The following WTIP variants were observed in gnomAD, a reference collection of about 807,000 sequenced individuals.
WTIP encodes WT1 interacting protein, also known as Wilms tumor protein 1-interacting protein.
WTIP carries 23 observed loss-of-function variants against 41.7 expected under a neutral mutation model. That is an observed-to-expected ratio of 0.55 (90% CI 0.40 to 0.78). The LOEUF (loss-of-function observed/expected upper bound fraction) is 0.78. Among genes scored for constraint, WTIP ranks in the 30% least tolerant of loss-of-function variants. The pLI, the probability that WTIP is intolerant of heterozygous loss-of-function variation, is 0.00. For synonymous variants in WTIP, 314 were observed against 269.9 expected (o/e 1.16, Z -1.60); for missense variants, 619 against 610.5 (o/e 1.01, Z -0.15).
chr19:34,495,713 C>T lies in WTIP; in HGVS notation c.1094C>T (p.Thr365Ile). Residue 365 changes from threonine (T) to isoleucine (I), a missense_variant, in exon 7 of 8, where the codon ACA (threonine) becomes ATA (isoleucine). Around this residue, in one of 3 missense-constraint regions of WTIP, gnomAD observed 164 missense variants for 219.1 expected, o/e 0.75. Coordinates refer to ENST00000590071, the MANE Select transcript of WTIP (RefSeq NM_001080436.2). ...CTTCTCTTCCTCCAGGGCTGCGAGACAACCATCCGTGTGGTGTCCATGGAC... is the reference window on the plus strand; with the variant it reads ...CTTCTCTTCCTCCAGGGCTGCGAGATAACCATCCGTGTGGTGTCCATGGAC... The part of the protein sequence containing the change: ...RPILPAQGCE[T>I]TIRVVSMDRD... The T allele has an allele frequency of 1.2e-6, 2 of 1,613,994 alleles. No individual in the cohort carries two copies. Among genetic ancestry groups the T allele is most frequent in the Non-Finnish European group, 1.7e-6 (2 of 1,179,954 alleles).
chr19:34,505,645 A>G lies in WTIP; in HGVS notation c.*5376A>G, dbSNP rs1358970937. On this transcript the variant is annotated 3_prime_UTR_variant, in exon 8 of 8. Coordinates refer to ENST00000590071, the MANE Select transcript of WTIP (RefSeq NM_001080436.2). ...GCCCGGGTCACACACCTGCCCTGCC[A>G]TGGTGACAGGACTGTGTGGGATCTC... 6.6e-6 allele frequency: 1 copy of G among 152,432 alleles called. No homozygotes were observed. Among genetic ancestry groups the G allele is most frequent in the Non-Finnish European group, 1.5e-5 (1 of 68,254 alleles). 9.4% of individuals were successfully genotyped at this position (152,432 alleles called of 1,614,324 possible).
In WTIP at chr19:34,481,827, A is replaced by C. The variant is rs1033372643; in HGVS notation, c.-148A>C. 4.1e-6 allele frequency: 1 copy of C among 246,426 alleles called. No individual in the cohort carries two copies. The highest frequency in any genetic ancestry group is 2.4e-5 in the African/African-American group (1 of 41,816). 15.3% of individuals were successfully genotyped at this position (246,426 alleles called of 1,614,324 possible). On this transcript the variant is annotated 5_prime_UTR_variant, in exon 1 of 8. Transcript: ENST00000590071. ...CGGCCCGCGCGTGGCCGCCGGAACG[A>C]CCCCGGCCCGGCGCCGGCCCCGCCC...
chr19:34,495,525 C>G (rs986663119), intron 6 of WTIP, among the ~76,000 whole-genome samples, 178 bp from the exon 7 acceptor site: 6 of 152,208 alleles, frequency 3.9e-5, no homozygotes, highest in Non-Finnish European at 7.3e-5. Flanking sequence ...CCGCATGTGT[C>G]TGTGTGTGTG....
Position 34,509,426 on chromosome 19 carries a change from A to G in WTIP, c.*9157A>G, listed in dbSNP as rs1217444725. 1 of 152,172 alleles carries G rather than the reference A, an allele frequency of 6.6e-6. No individual in the cohort carries two copies. The highest frequency in any genetic ancestry group is 1.5e-5 in the Non-Finnish European group (1 of 68,036). The allele number at this position is 152,172 out of a possible 1,614,324, so 9.4% of individuals were successfully genotyped here. A position where few individuals can be genotyped will look rare whatever the true frequency, so the allele number is the denominator to read the frequency against. On this transcript the variant is annotated 3_prime_UTR_variant, in exon 8 of 8. Coordinates refer to ENST00000590071, the MANE Select transcript of WTIP (RefSeq NM_001080436.2). Reference sequence around the variant, plus strand: ...GATCTTGTGAGACTTATTCACTACCATGAGAACAGTGTGGGGGAAACTGCC... The same window carrying G: ...GATCTTGTGAGACTTATTCACTACCGTGAGAACAGTGTGGGGGAAACTGCC...
At chr19:34,482,987 TTTTTTTTTTTTCTTTCTTC>T (rs1410475810) in intron 1 of WTIP, among the ~76,000 whole-genome samples, 146 of 30,372 alleles carry the variant, frequency 4.8e-3, no homozygotes, top group African/African-American at 7.6e-3. Flanking sequence ...TTCTTTCTTC[TTTTTTTTTTTTCTTTCTTC>T]TTTTTTTTTT....
Position 34,493,913 on chromosome 19 carries a change from C to T in WTIP, c.1031+291C>T, listed in dbSNP as rs994800166. On this transcript the variant is annotated intron_variant, in intron 5 of 7. Transcript: ENST00000590071. This position sits in a 1 kb window ranked among gnomAD's most constrained non-coding sequence, Gnocchi z 4.1. ...TGCAGTACCCACCATCTTTCCCCCT[C>T]CTCCCCTCCATCCCCTGCCAGGCCA... Among the ~76,000 whole-genome samples, 17 of 152,142 alleles carry T rather than the reference C, an allele frequency of 1.1e-4. No individual in the cohort carries two copies. The highest frequency in any genetic ancestry group is 4.1e-4 in the African/African-American group (17 of 41,438).
chr19:34,499,613 G>C (rs1409331939), intron 7 of WTIP, among the ~76,000 whole-genome samples: 1 of 152,106 alleles, frequency 6.6e-6, no homozygotes, highest in Non-Finnish European at 1.5e-5. Context: ...CTTATATCCA[G>C]TGACTTCCTC....
At chr19:34,486,750 T>C (rs554886135) in intron 1 of WTIP, among the ~76,000 whole-genome samples, 2 of 152,184 alleles carry the variant, frequency 1.3e-5, no homozygotes, top group South Asian at 2.1e-4. Context: ...TCCCTTGGAA[T>C]CTTGAGGTCA....
intron 6 of WTIP, among the ~76,000 whole-genome samples, chr19:34,495,204 T>A (rs780908660): frequency 6.6e-6 from 1 of 152,186 alleles, no homozygotes; most frequent in Non-Finnish European, 1.5e-5. Context: ...GAGACCAGCC[T>A]GGGCCGCCTA....
rs565409708 is a variant in WTIP, at chr19:34,488,487, T to A, written c.668-1889T>A. Among the ~76,000 whole-genome samples, 5 of 152,136 alleles carry A rather than the reference T, an allele frequency of 3.3e-5. 1 individual carries two copies. In the South Asian group the frequency reaches 1.0e-3, roughly 32 times the overall value. On this transcript the variant is annotated intron_variant, in intron 1 of 7. Coordinates refer to ENST00000590071, the MANE Select transcript of WTIP (RefSeq NM_001080436.2). ...CTTAAGTGATCCTCCTGCCTCAGAC[T>A]CCTGAGTAACTGGGACCACAGGTGC...
In WTIP at chr19:34,482,268, C is replaced by T; in HGVS notation, c.294C>T (p.Gly98=). The part of the protein sequence containing the change: ...SPRASLAGSD[G]GGGGGSARSS... ...GGGCCAGCCTGGCGGGGTCCGACGG[C>T]GGCGGCGGTGGCGGCAGCGCCCGAT... The change falls in exon 1 of 8, where the codon GGC becomes GGT. Residue 98 remains glycine (G), a synonymous_variant. Transcript: ENST00000590071. The T allele has an allele frequency of 3.1e-6, 4 of 1,298,598 alleles. No individual in the cohort carries two copies. Among genetic ancestry groups the T allele is most frequent in the Non-Finnish European group, 3.9e-6 (4 of 1,016,138 alleles). 80.4% of individuals were successfully genotyped at this position (1,298,598 alleles called of 1,614,324 possible).
intron 1 of WTIP, among the ~76,000 whole-genome samples, chr19:34,483,008 T>G (rs2075777856): frequency 7.0e-6 from 1 of 142,228 alleles, no homozygotes; most frequent in Non-Finnish European, 1.5e-5. Flanking sequence ...TCTTTCTTCT[T>G]TTTTTTTTTT....
chr19:34,500,283 C>T lies in WTIP; in HGVS notation c.*14C>T, dbSNP rs769310597. The stretch of plus-strand genomic sequence containing the variant: ...ACTGAGCTCTGAGCAGGGGAAAACC[C>T]GTCCCTGGGCCGGGGTGGGTGTGGG... On this transcript the variant is annotated 3_prime_UTR_variant, in exon 8 of 8. Coordinates refer to ENST00000590071, the MANE Select transcript of WTIP (RefSeq NM_001080436.2). 8.1e-6 allele frequency: 13 copies of T among 1,596,926 alleles called. No homozygotes were observed. The Middle Eastern group carries it at 5.0e-4, about 61-fold the overall frequency.
rs1457280566 is a variant in WTIP at position 34,493,743 on chromosome 19, C to A, written c.1031+121C>A. ...TCTTGGCCTTTTGCCTTCCGCCTCC[C>A]CTTGTACACCTGGGCTTGGGGCAGG... On this transcript the variant is annotated intron_variant, in intron 5 of 7. Transcript: ENST00000590071. This position sits in a 1 kb window ranked among gnomAD's most constrained non-coding sequence, Gnocchi z 4.1. 1 of 1,368,448 alleles carries A rather than the reference C, an allele frequency of 7.3e-7. No individual in the cohort carries two copies. The highest frequency in any genetic ancestry group is 1.0e-6 in the Non-Finnish European group (1 of 989,374). The allele number at this position is 1,368,448 out of a possible 1,614,324, so 84.8% of individuals were successfully genotyped here.
chr19:34,493,741 C>T lies in WTIP; in HGVS notation c.1031+119C>T, dbSNP rs1023867058. 2 of 1,394,046 alleles carry T rather than the reference C, an allele frequency of 1.4e-6. No homozygotes were observed. The highest frequency in any genetic ancestry group is 1.3e-5 in the South Asian group (1 of 77,412). 86.4% of individuals were successfully genotyped at this position (1,394,046 alleles called of 1,614,324 possible). On this transcript the variant is annotated intron_variant, in intron 5 of 7. Coordinates refer to ENST00000590071, the MANE Select transcript of WTIP (RefSeq NM_001080436.2). The surrounding 1 kb of genome is among the most constrained non-coding windows in gnomAD (Gnocchi z 4.1). ...GTTCTTGGCCTTTTGCCTTCCGCCTCCCCTTGTACACCTGGGCTTGGGGCA... is the reference window on the plus strand; with the variant it reads ...GTTCTTGGCCTTTTGCCTTCCGCCTTCCCTTGTACACCTGGGCTTGGGGCA...
At chr19:34,492,969 G>T in intron 2 of WTIP, 68 bp from the exon 3 acceptor site, 1 of 1,550,588 alleles carries the variant, frequency 6.4e-7, no homozygotes, top group Non-Finnish European at 8.9e-7. Flanking sequence ...GGTGCTGAGA[G>T]CTGGAAGCAC....
chr19:34,496,912 C>G (rs538449576), intron 7 of WTIP, among the ~76,000 whole-genome samples: 49 of 152,102 alleles, frequency 3.2e-4, no homozygotes, highest in East Asian at 3.9e-4. Context: ...GCCCAGGCTG[C>G]AGTGCAGTGG....
At position 34,482,070 on chromosome 19, in the gene WTIP, G is replaced by T; in HGVS notation, c.96G>T (p.Arg32=). ...AGCCCGGGTGCGGCTCTCCCGGTCG[G>T]GGGCGGCGGGGGCCGCGGCCTGGGC... The part of the protein sequence containing the change: ...ELEPGCGSPG[R]GRRGPRPGPG... Residue 32 remains arginine (R), a synonymous_variant, in exon 1 of 8, where the codon CGG becomes CGT. Coordinates refer to ENST00000590071, the MANE Select transcript of WTIP (RefSeq NM_001080436.2). 2 of 1,035,398 alleles carry T rather than the reference G, an allele frequency of 1.9e-6. No individual in the cohort carries two copies. The highest frequency in any genetic ancestry group is 8.1e-5 in the East Asian group (1 of 12,284). 64.1% of individuals were successfully genotyped at this position (1,035,398 alleles called of 1,614,324 possible).
At chr19:34,491,517 A>C (rs1034540872) in intron 2 of WTIP, among the ~76,000 whole-genome samples, 1 of 148,684 alleles carries the variant, frequency 6.7e-6, no homozygotes, top group African/African-American at 2.5e-5. Context: ...GTGAGATGGG[A>C]TTTCACCATG....
Sources: allele counts gnomAD v4.1 joint callset (sites outside exome capture counted in the v4.1 genomes callset), GRCh38; gene constraint gnomAD v4.1.1; regional missense constraint gnomAD v4.1.1; non-coding constraint Gnocchi (gnomAD v3.1); transcripts MANE v1.5; gene names NCBI Gene and HGNC (gene_info 2026-07-23, HGNC 2026-07-21).